Variants in PACSIN2 observed in about 807,000 individuals in gnomAD.
The protein encoded by PACSIN2 is protein kinase C and casein kinase substrate in neurons 2, also known as protein kinase C and casein kinase substrate in neurons protein 2.
Under a neutral mutation model 63.8 loss-of-function variants are expected in PACSIN2, and 25 were observed. The ratio of observed to expected loss-of-function variants is 0.39; its 90% CI spans 0.29 to 0.55. The LOEUF (loss-of-function observed/expected upper bound fraction) is 0.55. Ranked by LOEUF, PACSIN2 falls within the 20% of genes least tolerant of loss-of-function variation. The pLI, the probability that PACSIN2 is intolerant of heterozygous loss-of-function variation, is 0.62. For synonymous variants in PACSIN2, 255 were observed against 256.2 expected (o/e 1.00, Z 0.05); for missense variants, 518 against 646.9 (o/e 0.80, Z 2.16).
intron 4 of PACSIN2, among the ~76,000 whole-genome samples, chr22:42,890,279 C>A (rs532294301): frequency 6.6e-5 from 10 of 152,136 alleles, no homozygotes; most frequent in Non-Finnish European, 1.0e-4. Flanking sequence ...GGATTACAGG[C>A]GTGAGCCACC....
chr22:42,924,826 A>G (rs568166550), intron 1 of PACSIN2, among the ~76,000 whole-genome samples: 95 of 150,226 alleles, frequency 6.3e-4, no homozygotes, highest in Non-Finnish European at 1.2e-3. Flanking sequence ...GCACGATCTC[A>G]GATCACTGCA....
intron 1 of PACSIN2, among the ~76,000 whole-genome samples, chr22:42,978,096 T>C (rs984811201): frequency 3.3e-5 from 5 of 152,210 alleles, no homozygotes; most frequent in African/African-American, 1.2e-4. Flanking sequence ...GGCTCATTCA[T>C]TCATTCATCC....
At chr22:42,973,283 CAG>C (rs1191636447) in intron 1 of PACSIN2, among the ~76,000 whole-genome samples, 1 of 152,230 alleles carries the variant, frequency 6.6e-6, no homozygotes. Context: ...TTCAAAATGA[CAG>C]ACTCTGTCAC....
At chr22:42,925,819 C>T (rs1425286023) in intron 1 of PACSIN2, among the ~76,000 whole-genome samples, 1 of 152,202 alleles carries the variant, frequency 6.6e-6, no homozygotes, top group African/African-American at 2.4e-5. Context: ...TGTCTACCAC[C>T]GGCCTCACGG....
At chr22:42,928,559 G>A (rs7290497) in intron 1 of PACSIN2, among the ~76,000 whole-genome samples, 56,147 of 152,064 alleles carry the variant, frequency 0.37, 11,896 homozygotes, top group Non-Finnish European at 0.48. Context: ...AGTTGTCAGA[G>A]TGTTTCACTG....
Position 42,870,689 on chromosome 22 carries a change from A to C in PACSIN2, c.*668T>G, listed in dbSNP as rs2146611577. 6.6e-6 allele frequency: 1 copy of C among 152,374 alleles called. No homozygotes were observed. Among genetic ancestry groups the C allele is most frequent in the East Asian group, 1.9e-4 (1 of 5,186 alleles). The allele number at this position is 152,374 out of a possible 1,614,324, so 9.4% of individuals were successfully genotyped here. A position where few individuals can be genotyped will look rare whatever the true frequency, so the allele number is the denominator to read the frequency against. On this transcript the variant is annotated 3_prime_UTR_variant, in exon 11 of 11. Transcript: ENST00000263246. ...AAGGTTCTATGTAAAGCTTCCATTC[A>C]GATGCCCAAAAGCACAAAGAGCATT...
intron 1 of PACSIN2, among the ~76,000 whole-genome samples, chr22:42,940,638 T>C (rs1404363138): frequency 6.6e-6 from 1 of 152,196 alleles, no homozygotes; most frequent in Non-Finnish European, 1.5e-5. Context: ...GGTTTCCCTA[T>C]ACCCAGCTGC....
intron 1 of PACSIN2, among the ~76,000 whole-genome samples, chr22:43,009,010 GA>G (rs3838166): frequency 0.61 from 92,714 of 152,094 alleles, 28,876 homozygotes; most frequent in East Asian, 0.8. Context: ...TTCACATACA[GA>G]AAAGGTGTTT....
rs1258795550 is a variant in PACSIN2 at position 42,957,693 on chromosome 22, A to G, written c.-77-45536T>C. On this transcript the variant is annotated intron_variant, in intron 1 of 10. Transcript: ENST00000263246. ...CAATACCTCTTCAGTTCAGCTCAAG[A>G]CAGAGTCAGTATTCCCTTATAGGGG... Among the ~76,000 whole-genome samples, 4 of 152,324 alleles carry G rather than the reference A, an allele frequency of 2.6e-5. No individual in the cohort carries two copies. The East Asian group carries it at 7.7e-4, about 29-fold the overall frequency.
intron 1 of PACSIN2, among the ~76,000 whole-genome samples, chr22:42,992,812 C>G (rs1188948245): frequency 6.6e-6 from 1 of 152,190 alleles, no homozygotes; most frequent in East Asian, 1.9e-4. Context: ...CTACAACAAT[C>G]TCAAAGTAAT....
intron 1 of PACSIN2, among the ~76,000 whole-genome samples, chr22:42,973,693 C>G (rs1252258278): frequency 6.6e-6 from 1 of 152,206 alleles, no homozygotes; most frequent in Non-Finnish European, 1.5e-5. Context: ...ACTGGGTTGG[C>G]TGCTCTCCCC....
intron 3 of PACSIN2, among the ~76,000 whole-genome samples, chr22:42,892,685 A>C (rs1929997993): frequency 6.6e-6 from 1 of 152,004 alleles, no homozygotes; most frequent in Non-Finnish European, 1.5e-5. Context: ...CACACAAACA[A>C]CCCATGTCAG....
At chr22:42,914,803 T>A (rs1931704371) in intron 1 of PACSIN2, among the ~76,000 whole-genome samples, 1 of 152,208 alleles carries the variant, frequency 6.6e-6, no homozygotes, top group Non-Finnish European at 1.5e-5. Context: ...GGAATTCAGA[T>A]TCTGTCTGGA....
rs140752551 is a variant in PACSIN2 at position 42,876,189 on chromosome 22, C to G, written c.1296G>C (p.Arg432=). 451 of 1,614,220 alleles carry G rather than the reference C, an allele frequency of 2.8e-4. 2 individuals are homozygous for G. In the African/African-American group the frequency reaches 5.5e-3, roughly 20 times the overall value. Residue 432 remains arginine, a synonymous_variant, in exon 10 of 11, where the codon CGG becomes CGC. Transcript: ENST00000263246. The stretch of plus-strand genomic sequence containing the variant: ...CCTGCCCCTCATAGTCATACAGGGC[C>G]CGGACTCGCACTTCCGTCCCCGAGG... ...DATSGTEVRV[R]ALYDYEGQEH...
At chr22:42,986,828 C>G (rs1435176919) in intron 1 of PACSIN2, among the ~76,000 whole-genome samples, 2 of 152,174 alleles carry the variant, frequency 1.3e-5, no homozygotes, top group Non-Finnish European at 2.9e-5. Flanking sequence ...CTATCCTTTT[C>G]TACCCATTCT....
At chr22:42,962,720 G>T (rs574292700) in intron 1 of PACSIN2, among the ~76,000 whole-genome samples, 1 of 130,530 alleles carries the variant, frequency 7.7e-6, no homozygotes, top group South Asian at 2.6e-4. Flanking sequence ...CCTGGGGTGG[G>T]TGGAGGCATT....
intron 1 of PACSIN2, among the ~76,000 whole-genome samples, chr22:43,007,192 C>G (rs1924146022): frequency 1.3e-5 from 2 of 151,634 alleles, no homozygotes; most frequent in South Asian, 4.2e-4. Context: ...CTGCCCCTAG[C>G]AGCCCCTCTC....
chr22:43,007,662 A>T (rs1226456094), intron 1 of PACSIN2, among the ~76,000 whole-genome samples: 1 of 151,856 alleles, frequency 6.6e-6, no homozygotes, highest in Non-Finnish European at 1.5e-5. Context: ...GGACAGTCAG[A>T]CCCGCCCTCC....
chr22:42,919,205 G>A lies in PACSIN2; in HGVS notation c.-77-7048C>T, dbSNP rs5759035. Among the ~76,000 whole-genome samples the A allele has an allele frequency of 4.6e-5, 7 of 152,266 alleles. No homozygotes were observed. The East Asian group carries it at 7.7e-4, about 17-fold the overall frequency. On this transcript the variant is annotated intron_variant, in intron 1 of 10. Coordinates refer to ENST00000263246, the MANE Select transcript of PACSIN2 (RefSeq NM_001184970.3). ...TGGGAAGAGAGTGTGATATTGAGTC[G>A]AAAATGAGTCTCAGCTCCACCTCTG...
Sources: allele counts gnomAD v4.1 joint callset (sites outside exome capture counted in the v4.1 genomes callset), GRCh38; gene constraint gnomAD v4.1.1; transcripts MANE v1.5; gene names NCBI Gene and HGNC (gene_info 2026-07-23, HGNC 2026-07-21).